The following AHNAK variants were observed in gnomAD, a reference collection of about 807,000 sequenced individuals.
AHNAK encodes AHNAK nucleoprotein.
Under a neutral mutation model 37.8 loss-of-function variants are expected in AHNAK, and 23 were observed. The ratio of observed to expected loss-of-function variants is 0.61; its 90% confidence interval spans 0.44 to 0.86. AHNAK has a LOEUF of 0.86. Among genes scored for constraint, AHNAK ranks in the 40% least tolerant of loss-of-function variants. The pLI is 0.00. For missense variants in AHNAK, 7,411 were observed against 7,319.4 expected (o/e 1.01, Z -0.46); for synonymous variants, 2,481 against 2,636.3 (o/e 0.94, Z 1.80).
At chr11:62,480,098 C>T (rs776466181) in intron 5 of AHNAK, among the ~76,000 whole-genome samples, 1 of 152,132 alleles carries the variant, frequency 6.6e-6, no homozygotes, top group East Asian at 1.9e-4. Flanking sequence ...CTGCCACCTG[C>T]CAGGAAGGTC....
intron 5 of AHNAK, among the ~76,000 whole-genome samples, chr11:62,490,828 CCCA>C (rs1939494228): frequency 6.6e-6 from 1 of 151,006 alleles, no homozygotes; most frequent in Non-Finnish European, 1.5e-5. Flanking sequence ...TCTGTCGTCG[CCCA>C]GGCTGGAGTG....
intron 4 of AHNAK, among the ~76,000 whole-genome samples, chr11:62,494,397 A>T (rs1166919919): frequency 6.6e-6 from 1 of 152,082 alleles, no homozygotes; most frequent in African/African-American, 2.4e-5. Context: ...TTAGAAACAA[A>T]GATTGAATAA....
Position 62,518,508 on chromosome 11 carries a change from A to G in AHNAK, c.15909T>C (p.Asp5303=). 6.2e-7 allele frequency: 1 copy of G among 1,614,046 alleles called. No individual in the cohort carries two copies. The highest frequency in any genetic ancestry group is 1.3e-5 in the African/African-American group (1 of 74,990). ...SMPKVSGPDL[D]LNLKGPSLKG... is the part of the protein sequence containing the mutation. ...TCAAACTTGGTCCTTTCAAGTTCAG[A>G]TCAAGGTCAGGCCCAGAGACTTTTG... The change falls in exon 5 of 5, where the codon GAT becomes GAC. Residue 5303 remains aspartate, a synonymous_variant. Coordinates refer to ENST00000378024, the MANE Select transcript of AHNAK (RefSeq NM_001620.3).
At chr11:62,503,323 T>C (rs1366388329) in intron 4 of AHNAK, among the ~76,000 whole-genome samples, 1 of 152,222 alleles carries the variant, frequency 6.6e-6, no homozygotes, top group South Asian at 2.1e-4. Context: ...GCACGGTGGC[T>C]CACGCCTGTA....
rs772147075 is a variant in AHNAK at position 62,532,327 on chromosome 11, A to C, written c.2090T>G (p.Ile697Ser). ...LPDMSVKTPK[I>S]SMPDVDLHVK... is the part of the protein sequence containing the mutation. ...GTGCAAATCTACATCAGGCATGGAG[A>C]TCTTTGGTGTCTTGACACTCATATC... Residue 697 changes from isoleucine to serine, a missense_variant, in exon 5 of 5, where the codon ATC becomes AGC. Physicochemically the swap from Ile to Ser is moderately radical, Grantham distance 142 (BLOSUM62 -2). Transcript: ENST00000378024. 3 of 1,614,030 alleles carry C rather than the reference A, an allele frequency of 1.9e-6. No individual in the cohort carries two copies. In the South Asian group the frequency reaches 3.3e-5, roughly 18 times the overall value.
At position 62,532,920 on chromosome 11, in the gene AHNAK, T is replaced by C. The variant is rs764532210; in HGVS notation, c.1497A>G (p.Lys499=). The C allele has an allele frequency of 9.3e-6, 15 of 1,614,062 alleles. No individual in the cohort carries two copies. Among genetic ancestry groups the C allele is most frequent in the Non-Finnish European group, 1.1e-5 (13 of 1,180,000 alleles). Residue 499 remains lysine (K), a synonymous_variant, in exon 5 of 5, where the codon AAA becomes AAG. Coordinates refer to ENST00000378024, the MANE Select transcript of AHNAK (RefSeq NM_001620.3). ...KTPEMIIQKP[K]ISMQDVDLSL... ...TCAGATCCACATCCTGCATGGAGAT[T>C]TTAGGTTTCTGAATAATCATTTCAG... is the stretch of plus-strand genomic sequence containing the variant.
At chr11:62,498,646 C>T (rs1195119399) in intron 4 of AHNAK, among the ~76,000 whole-genome samples, 1 of 150,272 alleles carries the variant, frequency 6.7e-6, no homozygotes, top group Non-Finnish European at 1.5e-5. Context: ...GGCATGGAAG[C>T]TGTGCCTTTA....
At chr11:62,485,442 C>A (rs1044507366) in intron 5 of AHNAK, among the ~76,000 whole-genome samples, 7 of 151,888 alleles carry the variant, frequency 4.6e-5, no homozygotes, top group Non-Finnish European at 7.4e-5. Context: ...GTGGCTCACA[C>A]CTATAATCCC....
At chr11:62,461,036 T>C (rs1938772438) in intron 5 of AHNAK, among the ~76,000 whole-genome samples, 1 of 138,970 alleles carries the variant, frequency 7.2e-6, no homozygotes, top group Non-Finnish European at 1.5e-5. Flanking sequence ...AGGGTTTCAC[T>C]GTGTTAGCCA....
chr11:62,508,408 C>G (rs1462942811), intron 4 of AHNAK, among the ~76,000 whole-genome samples: 1 of 152,184 alleles, frequency 6.6e-6, no homozygotes, highest in Non-Finnish European at 1.5e-5. Flanking sequence ...GCCAGAGCTG[C>G]CTGCTTGCCT....
chr11:62,518,262 T>A lies in AHNAK; in HGVS notation c.16155A>T (p.Val5385=). ...AGCTTAGATCAGGAGCTCCTACGGA[T>A]ACTTTAGGGCATTTGATGTCACCAG... is the stretch of plus-strand genomic sequence containing the variant. ...AVSGDIKCPK[V]SVGAPDLSLE... Residue 5385 remains valine, a synonymous_variant, in exon 5 of 5, where the codon GTA becomes GTT. Transcript: ENST00000378024. 6.2e-7 allele frequency: 1 copy of A among 1,614,148 alleles called. No individual in the cohort carries two copies.
chr11:62,531,593 T>G lies in AHNAK; in HGVS notation c.2824A>C (p.Lys942Gln), dbSNP rs1339342280. 1 of 1,613,920 alleles carries G rather than the reference T, an allele frequency of 6.2e-7. No homozygotes were observed. Among genetic ancestry groups the G allele is most frequent in the Non-Finnish European group, 8.5e-7 (1 of 1,179,972 alleles). The change falls in exon 5 of 5, where the codon AAG (lysine) becomes CAG (glutamine). Residue 942 changes from lysine to glutamine, a missense_variant. Coordinates refer to ENST00000378024, the MANE Select transcript of AHNAK (RefSeq NM_001620.3). The stretch of plus-strand genomic sequence containing the variant: ...TCAGGCATGGAGATCTTGGGGGCCT[T>G]GATATTCATCTCTGGCATCTTGAAC... ...PKFKMPEMNI[K>Q]APKISMPDVD...
intron 5 of AHNAK, among the ~76,000 whole-genome samples, chr11:62,462,913 C>T (rs1264248928): frequency 6.6e-6 from 1 of 151,990 alleles, no homozygotes; most frequent in Admixed American, 6.6e-5. Context: ...GGCCAGTCAC[C>T]TGAGGTCAGG....
At position 62,484,937 on chromosome 11, in the gene AHNAK, G is replaced by C. The variant is rs183877715; in HGVS notation, c.442+6795C>G. Among the ~76,000 whole-genome samples, 21 of 152,202 alleles carry C rather than the reference G, an allele frequency of 1.4e-4. 1 individual carries two copies. Among genetic ancestry groups the C allele is most frequent in the Admixed American group, 1.1e-3 (17 of 15,276 alleles). ...CCAGGGTAGCTGGGATTACAGGCACGCGCCACCACACCCGGCTAATTTTGT... is the reference window on the plus strand; with the variant it reads ...CCAGGGTAGCTGGGATTACAGGCACCCGCCACCACACCCGGCTAATTTTGT... On this transcript the variant is annotated intron_variant, in intron 5 of 5. Transcript: ENST00000257247.
chr11:62,457,879 T>C (rs1393831257), intron 5 of AHNAK, among the ~76,000 whole-genome samples: 1 of 151,794 alleles, frequency 6.6e-6, no homozygotes, highest in African/African-American at 2.4e-5. Flanking sequence ...ATCCTACGCA[T>C]GTACCTCTGT....
chr11:62,475,928 C>T (rs1281034297), intron 5 of AHNAK, among the ~76,000 whole-genome samples: 1 of 152,146 alleles, frequency 6.6e-6, no homozygotes, highest in Non-Finnish European at 1.5e-5. Flanking sequence ...AGGCGCATTT[C>T]TCGCCTTAAG....
intron 5 of AHNAK, among the ~76,000 whole-genome samples, chr11:62,439,479 T>C (rs1416071682): frequency 2.0e-5 from 3 of 152,060 alleles, no homozygotes; most frequent in African/African-American, 7.2e-5. Context: ...AGCCCAGCTA[T>C]GGCCACTTTG....
rs755638866 is a variant in AHNAK, at chr11:62,524,544, G to A, written c.9873C>T (p.Pro3291=). ...LKMPDMHVNM[P]KISMPEIDLN... ...AGTCAATTTCTGGCATGGAGATCTTGGGCATGTTTACATGCATGTCAGGCA... is the reference window on the plus strand; with the variant it reads ...AGTCAATTTCTGGCATGGAGATCTTAGGCATGTTTACATGCATGTCAGGCA... Residue 3291 remains proline (P), a synonymous_variant, in exon 5 of 5, where the codon CCC becomes CCT. Transcript: ENST00000378024. 3.7e-6 allele frequency: 6 copies of A among 1,613,944 alleles called. No individual in the cohort carries two copies. The highest frequency in any genetic ancestry group is 2.2e-5 in the South Asian group (2 of 91,060).
At chr11:62,453,848 G>T (rs994172665) in intron 5 of AHNAK, among the ~76,000 whole-genome samples, 1 of 152,206 alleles carries the variant, frequency 6.6e-6, no homozygotes, top group African/African-American at 2.4e-5. Flanking sequence ...CTGGCCGGGC[G>T]CGGTGGCTCA....
Sources: allele counts gnomAD v4.1 joint callset (sites outside exome capture counted in the v4.1 genomes callset), GRCh38; gene constraint gnomAD v4.1.1; transcripts MANE v1.5; gene names NCBI Gene and HGNC (gene_info 2026-07-23, HGNC 2026-07-21).